Variants in CCDC88C observed in about 807,000 individuals in gnomAD.
CCDC88C encodes the protein protein Daple.
Under a neutral mutation model 198.8 loss-of-function variants are expected in CCDC88C, and 131 were observed. The observed-to-expected ratio is 0.66, with a 90% CI of 0.57 to 0.76. The LOEUF is 0.76. Ranked by LOEUF, CCDC88C falls within the 30% of genes least tolerant of loss-of-function variation. CCDC88C has a pLI of 0.00. For missense variants in CCDC88C, 2,553 were observed against 2,631.6 expected, an observed-to-expected ratio of 0.97 and a Z score of 0.65; for synonymous variants, 1,166 against 1,114.7, an observed-to-expected ratio of 1.05 and a Z score of -0.92.
intron 3 of CCDC88C, among the ~76,000 whole-genome samples, chr14:91,365,003 G>A (rs978606815): frequency 6.6e-6 from 1 of 152,180 alleles, no homozygotes; most frequent in Non-Finnish European, 1.5e-5. Context: ...TCGTAGCGGC[G>A]CCTGGTTAGG....
chr14:91,311,957 T>C (rs1014250243), intron 15 of CCDC88C, among the ~76,000 whole-genome samples: 1 of 151,600 alleles, frequency 6.6e-6, no homozygotes, highest in Non-Finnish European at 1.5e-5. Flanking sequence ...AATAAAATTT[T>C]AAAAATAAAT....
rs1364268622 is a variant in CCDC88C, at chr14:91,324,830, G to A, written c.1291C>T (p.His431Tyr). The change falls in exon 12 of 30, where the codon CAC (histidine) becomes TAC (tyrosine). Residue 431 changes from histidine (H) to tyrosine (Y), a missense_variant. By Grantham distance (83) the His-to-Tyr change is moderately conservative. Coordinates refer to ENST00000389857, the MANE Select transcript of CCDC88C (RefSeq NM_001080414.4). ...AGCTGCTCCAGCTCCCAGCCAAGGT[G>A]GGCAGATTCGTTCATGCTCTGCTTC... is the stretch of plus-strand genomic sequence containing the variant. ...AQKQSMNESA[H>Y]LGWELEQLSK... is the part of the protein sequence containing the mutation. 4.3e-6 allele frequency: 7 copies of A among 1,613,510 alleles called. No homozygotes were observed. The highest frequency in any genetic ancestry group is 5.9e-6 in the Non-Finnish European group (7 of 1,179,890).
chr14:91,387,648 A>G (rs1448198748), intron 3 of CCDC88C, among the ~76,000 whole-genome samples: 1 of 152,140 alleles, frequency 6.6e-6, no homozygotes, highest in African/African-American at 2.4e-5. Flanking sequence ...TGACCACAAG[A>G]AGTGCACGGG....
At chr14:91,315,887 G>T in intron 13 of CCDC88C, 100 bp from the exon 14 acceptor site, 1 of 1,286,130 alleles carries the variant, frequency 7.8e-7, no homozygotes, top group Non-Finnish European at 1.1e-6. Flanking sequence ...ATGCACTGAT[G>T]GGTCTTTTCT....
intron 3 of CCDC88C, among the ~76,000 whole-genome samples, chr14:91,402,788 C>T (rs992405032): frequency 2.6e-5 from 4 of 152,134 alleles, no homozygotes; most frequent in Admixed American, 6.6e-5. Flanking sequence ...TGTGAGTGTT[C>T]GTTATGACCA....
intron 13 of CCDC88C, among the ~76,000 whole-genome samples, chr14:91,317,360 C>T (rs1892146774): frequency 6.6e-6 from 1 of 152,216 alleles, no homozygotes. Flanking sequence ...GGCCAACGGG[C>T]TTGCTTACTG....
At chr14:91,300,276 GCCCAGAATCCT>G (rs1891215502) in intron 20 of CCDC88C, among the ~76,000 whole-genome samples, 1 of 152,196 alleles carries the variant, frequency 6.6e-6, no homozygotes, top group Non-Finnish European at 1.5e-5. Flanking sequence ...AAGCCCTGGA[GCCCAGAATCCT>G]CTTCCTCCAG....
chr14:91,314,225 A>C, intron 14 of CCDC88C, 75 bp from the exon 15 acceptor site: 3 of 1,244,736 alleles, frequency 2.4e-6, no homozygotes, highest in Non-Finnish European at 3.3e-6. Context: ...CACACTGGGG[A>C]TGGGAGAGAG....
chr14:91,403,390 A>G (rs369460842), intron 3 of CCDC88C, among the ~76,000 whole-genome samples: 1 of 152,178 alleles, frequency 6.6e-6, no homozygotes, highest in East Asian at 1.9e-4. Context: ...GAAACTTCAC[A>G]TGACAATGAG....
rs552686823 is a variant in CCDC88C at position 91,342,363 on chromosome 14, C to T, written c.483+17G>A. The T allele has an allele frequency of 9.1e-6, 14 of 1,538,190 alleles. No individual in the cohort carries two copies. The highest frequency in any genetic ancestry group is 5.9e-5 in the South Asian group (5 of 84,778). ...CAGCAGTCCACAGCTGAGCCCACCACGAGGCCACGCACCTACCTCCTGGAT... is the reference window on the plus strand; with the variant it reads ...CAGCAGTCCACAGCTGAGCCCACCATGAGGCCACGCACCTACCTCCTGGAT... On this transcript the variant is annotated intron_variant, in intron 6 of 29. Transcript: ENST00000389857.
intron 10 of CCDC88C, among the ~76,000 whole-genome samples, chr14:91,335,828 G>A (rs945054030): frequency 6.6e-6 from 1 of 152,214 alleles, no homozygotes; most frequent in Non-Finnish European, 1.5e-5. Flanking sequence ...CTAGGCTGTT[G>A]TAACTATTCC....
At position 91,399,140 on chromosome 14, in the gene CCDC88C, T is replaced by C. The variant is rs540415809; in HGVS notation, c.270+9519A>G. The stretch of plus-strand genomic sequence containing the variant: ...GGGCCTGCTCCCACCTCCTTGGCCA[T>C]GGGCAGTTCTCATTCTCCATGCCTG... On this transcript the variant is annotated intron_variant, in intron 3 of 29. Coordinates refer to ENST00000389857, the MANE Select transcript of CCDC88C (RefSeq NM_001080414.4). 2.6e-5 allele frequency among the ~76,000 whole-genome samples: 4 copies of C among 152,268 alleles called. No homozygotes were observed. The East Asian group carries it at 7.7e-4, about 29-fold the overall frequency.
In CCDC88C at chr14:91,303,850, C is replaced by A. The variant is rs554400203; in HGVS notation, c.3486G>T (p.Ala1162=). Residue 1162 remains alanine (A), a synonymous_variant, in exon 20 of 30, where the codon GCG becomes GCT. Coordinates refer to ENST00000389857, the MANE Select transcript of CCDC88C (RefSeq NM_001080414.4). The part of the protein sequence containing the change: ...SLQRQQEQLT[A]AYEALLQDHE... ...GGTCCTGCAGCAGGGCCTCGTAGGCCGCTGTAAGTTGCTCCTGCTGCCTCT... is the reference window on the plus strand; with the variant it reads ...GGTCCTGCAGCAGGGCCTCGTAGGCAGCTGTAAGTTGCTCCTGCTGCCTCT... The A allele has an allele frequency of 2.5e-6, 4 of 1,613,260 alleles. No individual in the cohort carries two copies. The highest frequency in any genetic ancestry group is 2.7e-5 in the African/African-American group (2 of 75,078).
chr14:91,362,233 CAA>C (rs796522324), intron 3 of CCDC88C, among the ~76,000 whole-genome samples: 14 of 113,486 alleles, frequency 1.2e-4, no homozygotes, highest in Admixed American at 9.4e-5. Context: ...GATTCTGTCT[CAA>C]AAAAAAAAAA....
chr14:91,349,866 A>G (rs80088803), intron 4 of CCDC88C, among the ~76,000 whole-genome samples: 1,624 of 152,328 alleles, frequency 0.011, 30 homozygotes, highest in African/African-American at 0.036. Flanking sequence ...AAGTAGTTGC[A>G]CAATTAAAAT....
intron 13 of CCDC88C, among the ~76,000 whole-genome samples, chr14:91,316,289 T>C (rs925804933): frequency 9.2e-5 from 14 of 152,168 alleles, no homozygotes; most frequent in Non-Finnish European, 2.9e-5. Context: ...CACCCAGTGA[T>C]CTCCTTGACA....
chr14:91,320,618 G>A (rs146497860), intron 13 of CCDC88C, among the ~76,000 whole-genome samples: 2 of 152,364 alleles, frequency 1.3e-5, no homozygotes, highest in African/African-American at 4.8e-5. Context: ...CCTGAAGTGG[G>A]AGGCAGTCTG....
intron 3 of CCDC88C, among the ~76,000 whole-genome samples, chr14:91,380,315 A>G (rs1857338808): frequency 6.6e-6 from 1 of 152,240 alleles, no homozygotes; most frequent in Non-Finnish European, 1.5e-5. Context: ...AGGAGGCGGC[A>G]GCAGCAAAGT....
chr14:91,301,597 G>A (rs942615502), intron 20 of CCDC88C, among the ~76,000 whole-genome samples: 1 of 152,268 alleles, frequency 6.6e-6, no homozygotes, highest in East Asian at 1.9e-4. Flanking sequence ...CATGCCTGTA[G>A]TCCCAGCTAC....
Sources: gnomAD v4.1 joint callset for allele counts (sites outside exome capture counted in the v4.1 genomes callset) on GRCh38, gnomAD v4.1.1 for gene constraint, MANE v1.5 for transcripts, NCBI Gene and HGNC (gene_info 2026-07-23, HGNC 2026-07-21) for gene names.